Variants in CCDC148 observed in about 807,000 individuals in gnomAD.
The protein encoded by CCDC148 is coiled-coil domain containing 148.
In CCDC148, 89 loss-of-function variants were observed where a neutral mutation model predicts 85.7. The ratio of observed to expected loss-of-function variants is 1.04; its 90% CI spans 0.87 to 1.24. The LOEUF (loss-of-function observed/expected upper bound fraction) is 1.24, where lower values mean the gene tolerates loss of function less well. Among genes scored for constraint, CCDC148 ranks in the 50% most tolerant of loss-of-function variants. CCDC148 has a pLI of 0.00. For missense variants in CCDC148, 692 were observed against 671.7 expected, an observed-to-expected ratio of 1.03 and a Z score of -0.33; for synonymous variants, 230 against 213.9, an observed-to-expected ratio of 1.08 and a Z score of -0.66.
intron 1 of CCDC148, chr2:158,447,096 C>T (rs1399373305): frequency 1.3e-5 from 2 of 152,054 alleles, no homozygotes; most frequent in African/African-American, 4.8e-5. Context: ...ATATTTATTT[C>T]TATTGAAGTA....
At chr2:158,221,227 A>G (rs1687167746) in intron 10 of CCDC148, among the ~76,000 whole-genome samples, 1 of 152,220 alleles carries the variant, frequency 6.6e-6, no homozygotes, top group Non-Finnish European at 1.5e-5. Flanking sequence ...GAGGAAAAGA[A>G]CAAATTAGCA....
At chr2:158,452,489 A>G in intron 1 of CCDC148, among the ~76,000 whole-genome samples, 1 of 152,198 alleles carries the variant, frequency 6.6e-6, no homozygotes, top group East Asian at 1.9e-4. Context: ...CTATTTCTCA[A>G]TTGCTTTCAG....
intron 1 of CCDC148, among the ~76,000 whole-genome samples, chr2:158,438,288 T>C (rs974178398): frequency 6.6e-6 from 1 of 151,816 alleles, no homozygotes; most frequent in Admixed American, 6.6e-5. Context: ...TATAGACCAA[T>C]GGAACAGAAC....
intron 1 of CCDC148, among the ~76,000 whole-genome samples, chr2:158,398,729 G>A (rs147644911): frequency 2.6e-5 from 4 of 152,026 alleles, no homozygotes; most frequent in Non-Finnish European, 5.9e-5. Context: ...AGAAGCAAGA[G>A]CAAACACATT....
intron 7 of CCDC148, among the ~76,000 whole-genome samples, chr2:158,319,299 T>G (rs1692420705): frequency 6.6e-6 from 1 of 152,182 alleles, no homozygotes; most frequent in Non-Finnish European, 1.5e-5. Flanking sequence ...GCAGTGAATC[T>G]GGATTGATTT....
intron 7 of CCDC148, among the ~76,000 whole-genome samples, chr2:158,328,934 A>T (rs201209929): frequency 6.6e-6 from 1 of 151,630 alleles, no homozygotes; most frequent in Non-Finnish European, 1.5e-5. Flanking sequence ...AGATGAGTAG[A>T]ATGCAAAAAT....
intron 9 of CCDC148, among the ~76,000 whole-genome samples, chr2:158,284,294 C>T (rs1690508339): frequency 6.9e-6 from 1 of 144,882 alleles, no homozygotes. Flanking sequence ...AAAAAGAAAA[C>T]CAATAATGAC....
At chr2:158,193,996 C>T (rs1031574417) in intron 11 of CCDC148, among the ~76,000 whole-genome samples, 1 of 150,104 alleles carries the variant, frequency 6.7e-6, no homozygotes, top group Non-Finnish European at 1.5e-5. Flanking sequence ...TGCACATGTA[C>T]CCTAGAACTT....
At position 158,275,058 on chromosome 2, in the gene CCDC148, G is replaced by A. The variant is rs368771057; in HGVS notation, c.1111-24146C>T. On this transcript the variant is annotated intron_variant, in intron 9 of 13. Coordinates refer to ENST00000283233, the MANE Select transcript of CCDC148 (RefSeq NM_138803.4). Reference sequence around the variant, plus strand: ...AGGAGTGTTGGAGGGCAAGGAACAAGGAAAAGGAGGAGGAGGAAGAAGAAA... The same window carrying A: ...AGGAGTGTTGGAGGGCAAGGAACAAAGAAAAGGAGGAGGAGGAAGAAGAAA... Among the ~76,000 whole-genome samples, 9 of 152,340 alleles carry A rather than the reference G, an allele frequency of 5.9e-5. No individual in the cohort carries two copies. The East Asian group carries it at 1.5e-3, about 26-fold the overall frequency.
chr2:158,453,043 C>T (rs1473131969), intron 1 of CCDC148, among the ~76,000 whole-genome samples: 1 of 152,230 alleles, frequency 6.6e-6, no homozygotes, highest in Non-Finnish European at 1.5e-5. Flanking sequence ...TCTCTCCCAA[C>T]ATCCTGATTC....
chr2:158,178,820 G>T, intron 12 of CCDC148, 59 bp downstream of exon 12: 3 of 1,174,094 alleles, frequency 2.6e-6, no homozygotes, highest in Non-Finnish European at 2.5e-6. Flanking sequence ...GCTATTAAGA[G>T]CACTTAGAAA....
At chr2:158,384,910 A>G (rs1239824470) in intron 1 of CCDC148, among the ~76,000 whole-genome samples, 2 of 152,208 alleles carry the variant, frequency 1.3e-5, no homozygotes, top group East Asian at 3.8e-4. Flanking sequence ...AAATCAGCAT[A>G]TCACCAGCCT....
intron 8 of CCDC148, among the ~76,000 whole-genome samples, chr2:158,312,270 A>T (rs1003264997): frequency 6.6e-6 from 1 of 152,210 alleles, no homozygotes; most frequent in African/African-American, 2.4e-5. Context: ...TATACTTAAC[A>T]TCTTTCAAAC....
intron 1 of CCDC148, among the ~76,000 whole-genome samples, chr2:158,359,030 G>C (rs1238793556): frequency 2.0e-5 from 3 of 151,810 alleles, no homozygotes; most frequent in Non-Finnish European, 2.9e-5. Context: ...TAACTAATTT[G>C]AAAAAACGGT....
At chr2:158,220,804 C>G (rs1028938791) in intron 10 of CCDC148, 91 bp from the exon 11 acceptor site, 1 of 970,876 alleles carries the variant, frequency 1.0e-6, no homozygotes, top group African/African-American at 1.7e-5. Flanking sequence ...GTTCGTATTA[C>G]AAAATTGAAT....
intron 1 of CCDC148, among the ~76,000 whole-genome samples, chr2:158,444,203 A>C (rs1433765951): frequency 1.3e-5 from 2 of 150,730 alleles, no homozygotes; most frequent in Non-Finnish European, 3.0e-5. Context: ...GCATACACAC[A>C]CATATATATA....
At chr2:158,307,784 T>C (rs1230787579) in intron 9 of CCDC148, among the ~76,000 whole-genome samples, 1 of 152,244 alleles carries the variant, frequency 6.6e-6, no homozygotes, top group South Asian at 2.1e-4. Context: ...AAGGACTATA[T>C]ACTGTATATA....
chr2:158,431,863 G>A (rs1687368972), intron 1 of CCDC148, among the ~76,000 whole-genome samples: 1 of 152,098 alleles, frequency 6.6e-6, no homozygotes, highest in Admixed American at 6.6e-5. Flanking sequence ...GCTTGAACCT[G>A]GGAGATGGAG....
At chr2:158,431,735 T>A (rs1687363072) in intron 1 of CCDC148, among the ~76,000 whole-genome samples, 1 of 152,142 alleles carries the variant, frequency 6.6e-6, no homozygotes, top group Non-Finnish European at 1.5e-5. Flanking sequence ...GGTCAGGGGT[T>A]TGAAACCAGC....
Sources: allele counts gnomAD v4.1 joint callset (sites outside exome capture counted in the v4.1 genomes callset), GRCh38; gene constraint gnomAD v4.1.1; transcripts MANE v1.5; gene names NCBI Gene and HGNC (gene_info 2026-07-23, HGNC 2026-07-21).